The following OVOL2 variants were observed in gnomAD, a reference collection of about 807,000 sequenced individuals.
OVOL2 encodes the protein transcription factor Ovo-like 2.
OVOL2 carries 13 observed loss-of-function variants against 18.1 expected under a neutral mutation model. That is an observed-to-expected ratio of 0.72 (90% CI 0.47 to 1.14). The LOEUF is 1.14. Among genes scored for constraint, OVOL2 ranks in the 50% most tolerant of loss-of-function variants. OVOL2 has a pLI of 0.00. For synonymous variants in OVOL2, 166 were observed against 162.7 expected (o/e 1.02, Z -0.16); for missense variants, 335 against 383.0 (o/e 0.87, Z 1.05).
intron 3 of OVOL2, among the ~76,000 whole-genome samples, chr20:18,031,646 A>T (rs1001053776): frequency 2.6e-5 from 4 of 152,194 alleles, no homozygotes; most frequent in Non-Finnish European, 4.4e-5. Flanking sequence ...TTGTCTTTAA[A>T]CTGTACCTAT....
At position 18,026,594 on chromosome 20, in the gene OVOL2, A is replaced by G. The variant is rs140370372; in HGVS notation, c.512-1642T>C. ...GACGGGGTTTCACCATGTTAGCCAGAATGGTCTCGATCTCCTGACCTTGTG... is the reference window on the plus strand; with the variant it reads ...GACGGGGTTTCACCATGTTAGCCAGGATGGTCTCGATCTCCTGACCTTGTG... On this transcript the variant is annotated intron_variant, in intron 3 of 3. Coordinates refer to ENST00000278780, the MANE Select transcript of OVOL2 (RefSeq NM_021220.4). Among the ~76,000 whole-genome samples the G allele has an allele frequency of 5.3e-3, 813 of 152,102 alleles. 8 individuals are homozygous for G. Among genetic ancestry groups the G allele is most frequent in the African/African-American group, 0.015 (642 of 41,498 alleles).
At chr20:18,030,424 T>G (rs1175107908) in intron 3 of OVOL2, among the ~76,000 whole-genome samples, 1 of 152,182 alleles carries the variant, frequency 6.6e-6, no homozygotes, top group Non-Finnish European at 1.5e-5. Flanking sequence ...ACATCAGGCT[T>G]TAACCTGGAT....
At chr20:18,027,789 G>A (rs2036533565) in intron 3 of OVOL2, among the ~76,000 whole-genome samples, 1 of 151,892 alleles carries the variant, frequency 6.6e-6, no homozygotes, top group South Asian at 2.1e-4. Context: ...TAGAGACGGG[G>A]TTTCACCGTG....
intron 3 of OVOL2, among the ~76,000 whole-genome samples, chr20:18,036,077 T>C (rs902634408): frequency 1.3e-5 from 2 of 151,962 alleles, no homozygotes; most frequent in Non-Finnish European, 2.9e-5. Context: ...GCAGATCACC[T>C]GAGGTCAGGA....
intron 3 of OVOL2, among the ~76,000 whole-genome samples, chr20:18,038,054 T>C (rs2036634119): frequency 6.6e-6 from 1 of 152,204 alleles, no homozygotes; most frequent in African/African-American, 2.4e-5. Flanking sequence ...GAAGCCCCCC[T>C]GACATGCAGT....
At chr20:18,053,701 CAAAAAA>C (rs3078037) in intron 2 of OVOL2, among the ~76,000 whole-genome samples, 11 of 106,994 alleles carry the variant, frequency 1.0e-4, no homozygotes, top group African/African-American at 3.2e-4. Context: ...GACTCTGTCT[CAAAAAA>C]AAAAAAAAAA....
At chr20:18,029,384 A>T (rs2036547529) in intron 3 of OVOL2, among the ~76,000 whole-genome samples, 1 of 152,218 alleles carries the variant, frequency 6.6e-6, no homozygotes, top group Admixed American at 6.5e-5. Context: ...TTGCCTGAGC[A>T]GGAGAATTTG....
At chr20:18,030,191 G>A (rs920303967) in intron 3 of OVOL2, among the ~76,000 whole-genome samples, 1 of 152,192 alleles carries the variant, frequency 6.6e-6, no homozygotes, top group Non-Finnish European at 1.5e-5. Context: ...TGTTTGCACT[G>A]TAATGCAGAC....
chr20:18,036,429 A>G (rs1207890733), intron 3 of OVOL2, among the ~76,000 whole-genome samples: 1 of 152,152 alleles, frequency 6.6e-6, no homozygotes, highest in Admixed American at 6.5e-5. Flanking sequence ...CAGGAGCCAC[A>G]CACAGCCAGT....
intron 3 of OVOL2, among the ~76,000 whole-genome samples, chr20:18,032,027 C>T (rs768930542): frequency 6.6e-6 from 1 of 152,022 alleles, no homozygotes; most frequent in Non-Finnish European, 1.5e-5. Flanking sequence ...TGGACATTTA[C>T]GGCAGCCTCC....
chr20:18,051,784 G>A (rs2036773350), intron 2 of OVOL2, among the ~76,000 whole-genome samples: 1 of 152,216 alleles, frequency 6.6e-6, no homozygotes, highest in Non-Finnish European at 1.5e-5. Flanking sequence ...CCAGGCTGGA[G>A]TGCAGTGGTG....
Position 18,056,418 on chromosome 20 carries a change from A to G in OVOL2, c.321+239T>C, listed in dbSNP as rs2036825523. Reference sequence around the variant, plus strand: ...CTCGGCATCAGGCGGGGCCACCGGGAGGACGGAGCCCACTCCGGGAACCGG... The same window carrying G: ...CTCGGCATCAGGCGGGGCCACCGGGGGGACGGAGCCCACTCCGGGAACCGG... On this transcript the variant is annotated intron_variant, in intron 2 of 3. Transcript: ENST00000278780. This position sits in a 1 kb window ranked among gnomAD's most constrained non-coding sequence, Gnocchi z 4.2. 6.6e-6 allele frequency among the ~76,000 whole-genome samples: 1 copy of G among 152,040 alleles called. No homozygotes were observed. Among genetic ancestry groups the G allele is most frequent in the African/African-American group, 2.4e-5 (1 of 41,400 alleles).
Position 18,056,793 on chromosome 20 carries a change from G to C in OVOL2, c.185C>G (p.Ala62Gly). 2.0e-6 allele frequency: 3 copies of C among 1,498,062 alleles called. No homozygotes were observed. The highest frequency in any genetic ancestry group is 2.7e-6 in the Non-Finnish European group (3 of 1,131,052). The allele number at this position is 1,498,062 out of a possible 1,614,324, so 92.8% of individuals were successfully genotyped here. Reference protein sequence around the residue: ...GSSSGSGSSSAGEPGGAESSS... With the variant: ...GSSSGSGSSSGGEPGGAESSS... Reference sequence around the variant, plus strand: ...GCTCTCTGCTCCTCCAGGCTCCCCCGCGCTGCTGCTGCCGCTGCCGCTGCT... The same window carrying C: ...GCTCTCTGCTCCTCCAGGCTCCCCCCCGCTGCTGCTGCCGCTGCCGCTGCT... The change falls in exon 2 of 4, where the codon GCG (alanine) becomes GGG (glycine). Residue 62 changes from alanine (A) to glycine (G), a missense_variant. Ala to Gly is a moderately conservative substitution (Grantham distance 60). Coordinates refer to ENST00000278780, the MANE Select transcript of OVOL2 (RefSeq NM_021220.4). This position sits in a 1 kb window ranked among gnomAD's most constrained non-coding sequence, Gnocchi z 4.2.
chr20:18,056,199 A>G lies in OVOL2; in HGVS notation c.321+458T>C, dbSNP rs2122730870. Among the ~76,000 whole-genome samples, 1 of 152,216 alleles carries G rather than the reference A, an allele frequency of 6.6e-6. No homozygotes were observed. On this transcript the variant is annotated intron_variant, in intron 2 of 3. Transcript: ENST00000278780. This position sits in a 1 kb window ranked among gnomAD's most constrained non-coding sequence, Gnocchi z 4.2. Reference sequence around the variant, plus strand: ...TGCCGCCCAGGTCCAGAACATAAGCATGGGGGGTGAACTCTCAGAATCGCG... The same window carrying G: ...TGCCGCCCAGGTCCAGAACATAAGCGTGGGGGGTGAACTCTCAGAATCGCG...
rs773350112 is a variant in OVOL2 at position 18,034,651 on chromosome 20, T to TCTCA, written c.511+6882_511+6883insTGAG. On this transcript the variant is annotated intron_variant, in intron 3 of 3. Coordinates refer to ENST00000278780, the MANE Select transcript of OVOL2 (RefSeq NM_021220.4). ...TTCTCTCTCTCTCTCTCTCTCTCTC[T>TCTCA]CACACACACACACACACACACCCCT... Among the ~76,000 whole-genome samples the TCTCA allele has an allele frequency of 8.9e-4, 129 of 145,690 alleles. 1 individual carries two copies. The East Asian group carries it at 9.3e-3, about 11-fold the overall frequency.
chr20:18,056,858 G>C lies in OVOL2; in HGVS notation c.120C>G (p.Leu40=). 1 of 1,487,794 alleles carries C rather than the reference G, an allele frequency of 6.7e-7. No homozygotes were observed. The highest frequency in any genetic ancestry group is 8.9e-7 in the Non-Finnish European group (1 of 1,127,130). The allele number at this position is 1,487,794 out of a possible 1,614,324, so 92.2% of individuals were successfully genotyped here. The part of the protein sequence containing the change: ...TYIPVGLGRL[L]HDPPEDCRSD... The stretch of plus-strand genomic sequence containing the variant: ...TGCGGCAGTCCTCGGGGGGGTCGTG[G>C]AGCAGGCGGCCTAGGCCCACTGTGG... Residue 40 remains leucine (L), a synonymous_variant, in exon 2 of 4, where the codon CTC becomes CTG. Coordinates refer to ENST00000278780, the MANE Select transcript of OVOL2 (RefSeq NM_021220.4). This position sits in a 1 kb window ranked among gnomAD's most constrained non-coding sequence, Gnocchi z 4.2.
At position 18,024,520 on chromosome 20, in the gene OVOL2, G is replaced by T; in HGVS notation, c.*116C>A. The T allele has an allele frequency of 6.9e-7, 1 of 1,451,412 alleles. No individual in the cohort carries two copies. Among genetic ancestry groups the T allele is most frequent in the Non-Finnish European group, 9.1e-7 (1 of 1,101,238 alleles). The allele number at this position is 1,451,412 out of a possible 1,614,324, so 89.9% of individuals were successfully genotyped here. A position where few individuals can be genotyped will look rare whatever the true frequency, so the allele number is the denominator to read the frequency against. ...ACTGCTGATGTTTCAAAAGGACACAGAGGTGAACTGGTCACTTCTAATTAA... is the reference window on the plus strand; with the variant it reads ...ACTGCTGATGTTTCAAAAGGACACATAGGTGAACTGGTCACTTCTAATTAA... On this transcript the variant is annotated 3_prime_UTR_variant, in exon 4 of 4. Coordinates refer to ENST00000278780, the MANE Select transcript of OVOL2 (RefSeq NM_021220.4).
chr20:18,047,736 C>T (rs886274163), intron 2 of OVOL2, among the ~76,000 whole-genome samples: 4 of 149,060 alleles, frequency 2.7e-5, no homozygotes, highest in Admixed American at 2.0e-4. Context: ...TGCCTATAAT[C>T]CCAACTACTT....
In OVOL2 at chr20:18,056,709, G is replaced by T; in HGVS notation, c.269C>A (p.Pro90His). Residue 90 changes from proline (P) to histidine (H), a missense_variant, in exon 2 of 4, where the codon CCC becomes CAC. By Grantham distance (77) the Pro-to-His change is moderately conservative. Transcript: ENST00000278780. This position sits in a 1 kb window ranked among gnomAD's most constrained non-coding sequence, Gnocchi z 4.2. Reference sequence around the variant, plus strand: ...CTGCTTGGTCGCCAGGTGTCCATCGGGGCCCTCGGCGTCGCCGGGCTCGGG... The same window carrying T: ...CTGCTTGGTCGCCAGGTGTCCATCGTGGCCCTCGGCGTCGCCGGGCTCGGG... ...ETPEPGDAEG[P>H]DGHLATKQRP... The T allele has an allele frequency of 6.8e-7, 1 of 1,461,092 alleles. No individual in the cohort carries two copies. Among genetic ancestry groups the T allele is most frequent in the East Asian group, 2.8e-5 (1 of 35,312 alleles). 90.5% of individuals were successfully genotyped at this position (1,461,092 alleles called of 1,614,324 possible). A position where few individuals can be genotyped will look rare whatever the true frequency, so the allele number is the denominator to read the frequency against.
Sources: gnomAD v4.1 joint callset for allele counts (sites outside exome capture counted in the v4.1 genomes callset) on GRCh38, gnomAD v4.1.1 for gene constraint, Gnocchi (gnomAD v3.1) non-coding constraint, MANE v1.5 for transcripts, NCBI Gene and HGNC (gene_info 2026-07-23, HGNC 2026-07-21) for gene names.